The following INPP4B variants were observed in gnomAD, a reference collection of about 807,000 sequenced individuals.
The protein encoded by INPP4B is inositol polyphosphate 4-phosphatase type II.
Under a neutral mutation model 122.5 loss-of-function variants are expected in INPP4B, and 55 were observed. That is an observed-to-expected ratio of 0.45 (90% CI 0.36 to 0.56). INPP4B has a LOEUF of 0.56. INPP4B is among the 20% of genes least tolerant of loss of function. INPP4B has a pLI of 0.00. For missense variants in INPP4B, 1,000 were observed against 1,097.7 expected, an observed-to-expected ratio of 0.91 and a Z score of 1.26; for synonymous variants, 403 against 388.7, an observed-to-expected ratio of 1.04 and a Z score of -0.43.
chr4:142,060,346 A>C (rs946111721), intron 25 of INPP4B, among the ~76,000 whole-genome samples: 1 of 152,166 alleles, frequency 6.6e-6, no homozygotes, highest in Non-Finnish European at 1.5e-5. Context: ...ATAAAAATGT[A>C]TTCATTTATA....
chr4:142,136,865 G>A lies in INPP4B; in HGVS notation c.1720+8975C>T, dbSNP rs774504723. Reference sequence around the variant, plus strand: ...GGCAGGTAAATCTATATACAAAACCGCTGTTAAAATTTAATCATCCCTTAC... The same window carrying A: ...GGCAGGTAAATCTATATACAAAACCACTGTTAAAATTTAATCATCCCTTAC... On this transcript the variant is annotated intron_variant, in intron 18 of 25. Transcript: ENST00000262992. Among the ~76,000 whole-genome samples the A allele has an allele frequency of 1.2e-3, 186 of 152,104 alleles. 4 individuals carry two copies. Among genetic ancestry groups the A allele is most frequent in the Non-Finnish European group, 5.1e-4 (35 of 67,972 alleles).
At chr4:142,042,537 TG>T in intron 25 of INPP4B, among the ~76,000 whole-genome samples, 1 of 25,744 alleles carries the variant, frequency 3.9e-5, no homozygotes, top group African/African-American at 6.2e-5. Flanking sequence ...TATGTATGTA[TG>T]TATGTATGTA....
At chr4:142,233,939 T>G (rs1301194747) in intron 12 of INPP4B, among the ~76,000 whole-genome samples, 5 of 152,282 alleles carry the variant, frequency 3.3e-5, no homozygotes, top group Admixed American at 2.6e-4. Flanking sequence ...CATATGTAAG[T>G]ACATCAGCTT....
intron 7 of INPP4B, among the ~76,000 whole-genome samples, chr4:142,337,790 G>A (rs1777341195): frequency 1.0e-5 from 1 of 96,950 alleles, no homozygotes; most frequent in South Asian, 4.4e-4. Flanking sequence ...TATAGTTTAT[G>A]TATATAATGA....
At chr4:142,832,316 C>T (rs1782249974) in intron 1 of INPP4B, among the ~76,000 whole-genome samples, 2 of 152,052 alleles carry the variant, frequency 1.3e-5, no homozygotes, top group Admixed American at 1.3e-4. Flanking sequence ...AAAAAATTGG[C>T]TAGAATGTTC....
chr4:142,575,195 C>T (rs979204702), intron 2 of INPP4B, among the ~76,000 whole-genome samples: 15 of 150,270 alleles, frequency 1.0e-4, no homozygotes, highest in Non-Finnish European at 1.5e-5. Context: ...CCCATAGTGC[C>T]GTGAAATCAT....
intron 7 of INPP4B, among the ~76,000 whole-genome samples, chr4:142,354,885 G>A (rs1179501916): frequency 6.6e-6 from 1 of 151,902 alleles, no homozygotes; most frequent in Non-Finnish European, 1.5e-5. Flanking sequence ...GCTTGATGGT[G>A]ATTTATCACT....
At chr4:142,643,933 G>A (rs1751132853) in intron 2 of INPP4B, among the ~76,000 whole-genome samples, 3 of 152,142 alleles carry the variant, frequency 2.0e-5, no homozygotes, top group Non-Finnish European at 2.9e-5. Flanking sequence ...GGGTGCAGTG[G>A]CTCATGCCTG....
chr4:142,643,376 T>C (rs188557226), intron 2 of INPP4B, among the ~76,000 whole-genome samples: 36 of 152,270 alleles, frequency 2.4e-4, no homozygotes, highest in African/African-American at 8.4e-4. Context: ...TAGGGATACA[T>C]ACTTATCCAG....
intron 2 of INPP4B, among the ~76,000 whole-genome samples, chr4:142,584,041 A>C (rs898092636): frequency 3.9e-5 from 6 of 152,084 alleles, no homozygotes; most frequent in African/African-American, 1.4e-4. Context: ...AGGAGGGTAT[A>C]GGTTCTGTCC....
chr4:142,255,268 C>T (rs1049907945), intron 11 of INPP4B, among the ~76,000 whole-genome samples: 1 of 151,884 alleles, frequency 6.6e-6, no homozygotes, highest in Admixed American at 6.6e-5. Flanking sequence ...ATGTAAAGAC[C>T]ATCGAGACTA....
intron 2 of INPP4B, among the ~76,000 whole-genome samples, chr4:142,573,528 T>C (rs187900628): frequency 2.3e-3 from 354 of 152,206 alleles, no homozygotes; most frequent in Non-Finnish European, 3.6e-3. Flanking sequence ...GGCTCAGACA[T>C]AAGTGATCTC....
intron 2 of INPP4B, among the ~76,000 whole-genome samples, chr4:142,685,264 G>T (rs1210192628): frequency 2.6e-5 from 4 of 151,936 alleles, no homozygotes; most frequent in Non-Finnish European, 5.9e-5. Context: ...TTTACAAGAA[G>T]AACATTTGAA....
chr4:142,448,161 G>A (rs1277927827), intron 3 of INPP4B, among the ~76,000 whole-genome samples: 1 of 151,906 alleles, frequency 6.6e-6, no homozygotes, highest in Non-Finnish European at 1.5e-5. Context: ...ATATTCTTGG[G>A]TGCTGAATGG....
chr4:142,051,855 CTAAA>C (rs1754784536), intron 25 of INPP4B, among the ~76,000 whole-genome samples: 1 of 151,828 alleles, frequency 6.6e-6, no homozygotes, highest in African/African-American at 2.4e-5. Flanking sequence ...GATTTTTAAC[CTAAA>C]TAAATGTTTC....
chr4:142,596,664 G>T (rs1310004606), intron 2 of INPP4B, among the ~76,000 whole-genome samples: 1 of 152,204 alleles, frequency 6.6e-6, no homozygotes, highest in Non-Finnish European at 1.5e-5. Flanking sequence ...ATTTATACTT[G>T]TAGTTTAATA....
At chr4:142,669,426 G>A (rs1258755676) in intron 2 of INPP4B, among the ~76,000 whole-genome samples, 1 of 152,140 alleles carries the variant, frequency 6.6e-6, no homozygotes, top group African/African-American at 2.4e-5. Flanking sequence ...CTGCAAGCCT[G>A]TAGTAACCAA....
chr4:142,230,643 C>CAAAAAA (rs11309327), intron 12 of INPP4B, among the ~76,000 whole-genome samples: 3 of 79,592 alleles, frequency 3.8e-5, no homozygotes, highest in Non-Finnish European at 5.0e-5. Flanking sequence ...AACTCCACCT[C>CAAAAAA]AAAAAAAAAA....
intron 2 of INPP4B, among the ~76,000 whole-genome samples, chr4:142,627,951 A>G (rs56128038): frequency 0.026 from 3,958 of 151,970 alleles, 70 homozygotes; most frequent in Non-Finnish European, 0.041. Flanking sequence ...GTCTATTCAG[A>G]GATTCAACTT....
Sources: gnomAD v4.1 joint callset for allele counts (sites outside exome capture counted in the v4.1 genomes callset) on GRCh38, gnomAD v4.1.1 for gene constraint, MANE v1.5 for transcripts, NCBI Gene and HGNC (gene_info 2026-07-23, HGNC 2026-07-21) for gene names.